The following CIITA variants were observed in gnomAD, a reference collection of about 807,000 sequenced individuals.
The protein encoded by CIITA is class II major histocompatibility complex transactivator, also known as MHC class II transactivator.
In CIITA, 72 loss-of-function variants were observed where a neutral mutation model predicts 115.1. The ratio of observed to expected loss-of-function variants is 0.63; its 90% confidence interval spans 0.52 to 0.76. The LOEUF (loss-of-function observed/expected upper bound fraction) is 0.76, where lower values mean the gene tolerates loss of function less well. Ranked by LOEUF, CIITA falls within the 30% of genes least tolerant of loss-of-function variation. The pLI is 0.00. For missense variants in CIITA, 1,617 were observed against 1,463.8 expected (o/e 1.10, Z -1.71); for synonymous variants, 763 against 635.6 (o/e 1.20, Z -3.02).
chr16:10,883,810 G>C (rs779103441), intron 1 of CIITA, among the ~76,000 whole-genome samples: 12 of 152,178 alleles, frequency 7.9e-5, no homozygotes, highest in Non-Finnish European at 1.2e-4. Flanking sequence ...CAGGAGTTGA[G>C]GTGCAATGCA....
chr16:10,908,656 T>G, intron 11 of CIITA: 1 of 471,236 alleles, frequency 2.1e-6, no homozygotes. Flanking sequence ...GAAGGCTAAA[T>G]TCCTTAATTT....
Position 10,929,537 on chromosome 16 carries a change from C to A in CIITA, c.*5682C>A. 3.0e-6 allele frequency: 3 copies of A among 985,464 alleles called. No individual in the cohort carries two copies. Among genetic ancestry groups the A allele is most frequent in the Non-Finnish European group, 3.6e-6 (3 of 829,968 alleles). 61.0% of individuals were successfully genotyped at this position (985,464 alleles called of 1,614,324 possible). A position where few individuals can be genotyped will look rare whatever the true frequency, so the allele number is the denominator to read the frequency against. On this transcript the variant is annotated 3_prime_UTR_variant, in exon 20 of 20. Coordinates refer to ENST00000324288, the MANE Select transcript of CIITA (RefSeq NM_000246.4). The surrounding 1 kb of genome is among the most constrained non-coding windows in gnomAD (Gnocchi z 4.3). ...TCAAACAGGAACCTCTCTGTTGGCA[C>A]GAAGCTTTTGAGGGGAGCAGGTCTA...
chr16:10,912,970 C>G (rs2039683397), intron 13 of CIITA, among the ~76,000 whole-genome samples: 1 of 152,262 alleles, frequency 6.6e-6, no homozygotes, highest in South Asian at 2.1e-4. Context: ...CTTAGCCACT[C>G]ACAACCCTAC....
chr16:10,911,446 T>C (rs2039574877), intron 13 of CIITA, among the ~76,000 whole-genome samples: 1 of 150,940 alleles, frequency 6.6e-6, no homozygotes, highest in Non-Finnish European at 1.5e-5. Context: ...TTCCTTCTTT[T>C]CTTTCTTTCC....
intron 1 of CIITA, among the ~76,000 whole-genome samples, chr16:10,890,143 C>CT (rs2037407564): frequency 1.3e-5 from 2 of 152,168 alleles, no homozygotes; most frequent in Admixed American, 1.3e-4. Context: ...TTGGGGGCTT[C>CT]TGGGAGGGGG....
At position 10,920,219 on chromosome 16, in the gene CIITA, A is replaced by T. The variant is rs75874959; in HGVS notation, c.3149+1693A>T. Among the ~76,000 whole-genome samples the T allele has an allele frequency of 1.4e-3, 209 of 152,280 alleles. 1 individual carries two copies. The highest frequency in any genetic ancestry group is 4.8e-3 in the African/African-American group (200 of 41,560). ...AAAAGTAGGTGGGCCTGGGAAGGCGACACTTGATCTGATTTACACTTTTCT... is the reference window on the plus strand; with the variant it reads ...AAAAGTAGGTGGGCCTGGGAAGGCGTCACTTGATCTGATTTACACTTTTCT... On this transcript the variant is annotated intron_variant, in intron 16 of 19. Coordinates refer to ENST00000324288, the MANE Select transcript of CIITA (RefSeq NM_000246.4). This position sits in a 1 kb window ranked among gnomAD's most constrained non-coding sequence, Gnocchi z 4.5.
chr16:10,925,104 G>C lies in CIITA; in HGVS notation c.*1249G>C, dbSNP rs763443624. The C allele has an allele frequency of 7.2e-5, 11 of 152,314 alleles. No homozygotes were observed. Among genetic ancestry groups the C allele is most frequent in the Non-Finnish European group, 1.5e-4 (10 of 68,128 alleles). The allele number at this position is 152,314 out of a possible 1,614,324, so 9.4% of individuals were successfully genotyped here. On this transcript the variant is annotated 3_prime_UTR_variant, in exon 20 of 20. Coordinates refer to ENST00000324288, the MANE Select transcript of CIITA (RefSeq NM_000246.4). ...GTGTCACCTGAAGACTCATTCTTCT[G>C]TACGTCTGACAGGCAATGCTGGCTG...
In CIITA at chr16:10,928,722, C is replaced by T. The variant is rs1415408400; in HGVS notation, c.*4867C>T. 6.6e-6 allele frequency: 1 copy of T among 152,350 alleles called. No homozygotes were observed. Among genetic ancestry groups the T allele is most frequent in the Non-Finnish European group, 1.5e-5 (1 of 68,138 alleles). The allele number at this position is 152,350 out of a possible 1,614,324, so 9.4% of individuals were successfully genotyped here. A position where few individuals can be genotyped will look rare whatever the true frequency, so the allele number is the denominator to read the frequency against. On this transcript the variant is annotated 3_prime_UTR_variant, in exon 20 of 20. Coordinates refer to ENST00000324288, the MANE Select transcript of CIITA (RefSeq NM_000246.4). ...TTCCCACCACACCCCAAATGCTGTC[C>T]CTGGCTTGTGGAGTGGGGCAGGGGG... is the stretch of plus-strand genomic sequence containing the variant.
At chr16:10,919,288 C>A (rs1223392370) in intron 16 of CIITA, among the ~76,000 whole-genome samples, 1 of 135,352 alleles carries the variant, frequency 7.4e-6, no homozygotes. Context: ...CTGCCCCCCC[C>A]CAGGTTCAAG....
Position 10,901,425 on chromosome 16 carries a change from TA to T in CIITA, c.437-87del. ...CAAGACCACTACCCAGCCTTGAAGT[TA>T]AGGCCGTATAGCCTGCTAGAGTCCT... is the stretch of plus-strand genomic sequence containing the variant. On this transcript the variant is annotated intron_variant, in intron 5 of 19. Transcript: ENST00000324288. The surrounding 1 kb of genome is among the most constrained non-coding windows in gnomAD (Gnocchi z 6.8). 7.1e-7 allele frequency: 1 copy of T among 1,417,124 alleles called. No homozygotes were observed. 87.8% of individuals were successfully genotyped at this position (1,417,124 alleles called of 1,614,324 possible).
At chr16:10,868,668 C>A (rs558521528) in intron 1 of CIITA, among the ~76,000 whole-genome samples, 1 of 152,326 alleles carries the variant, frequency 6.6e-6, no homozygotes, top group East Asian at 1.9e-4. Flanking sequence ...CTCTCCCTGG[C>A]TGCAGCCCCT....
chr16:10,917,957 T>C (rs992482414), intron 15 of CIITA, among the ~76,000 whole-genome samples: 1 of 152,178 alleles, frequency 6.6e-6, no homozygotes, highest in Admixed American at 6.5e-5. Context: ...GTAAGCTAGA[T>C]TTCTTCTCCT....
intron 1 of CIITA, among the ~76,000 whole-genome samples, chr16:10,894,566 A>T (rs892730780): frequency 2.6e-5 from 4 of 152,244 alleles, no homozygotes; most frequent in Non-Finnish European, 5.9e-5. Flanking sequence ...AGGATATTTG[A>T]GGTATCCACA....
chr16:10,913,666 G>A (rs942779371), intron 13 of CIITA, among the ~76,000 whole-genome samples: 32 of 151,614 alleles, frequency 2.1e-4, no homozygotes, highest in African/African-American at 6.5e-4. Context: ...CTGGCCAGGC[G>A]CAGTGGCTTA....
At chr16:10,888,725 C>T (rs1221369794) in intron 1 of CIITA, 1 of 152,260 alleles carries the variant, frequency 6.6e-6, no homozygotes, top group Non-Finnish European at 1.5e-5. Context: ...AAATACTGCC[C>T]ATTTACCAAA....
chr16:10,915,546 T>C (rs540510505), intron 13 of CIITA, 24 bp from the exon 14 acceptor site: 2 of 1,596,402 alleles, frequency 1.3e-6, no homozygotes, highest in East Asian at 4.5e-5. Context: ...ACTGGAGGTC[T>C]TACCCTTGCT....
In CIITA at chr16:10,934,535, T is replaced by A. The variant is rs2040943007; in HGVS notation, c.*10680T>A. ...GGACGCCTCCAGCAGACCACCTCACTGGGGGAAACATCAGGACAGCGTGGC... is the reference window on the plus strand; with the variant it reads ...GGACGCCTCCAGCAGACCACCTCACAGGGGGAAACATCAGGACAGCGTGGC... On this transcript the variant is annotated 3_prime_UTR_variant, in exon 20 of 20. Coordinates refer to ENST00000324288, the MANE Select transcript of CIITA (RefSeq NM_000246.4). This position sits in a 1 kb window ranked among gnomAD's most constrained non-coding sequence, Gnocchi z 4.2. 1 of 152,192 alleles carries A rather than the reference T, an allele frequency of 6.6e-6. No homozygotes were observed. The highest frequency in any genetic ancestry group is 6.5e-5 in the Admixed American group (1 of 15,268). The allele number at this position is 152,192 out of a possible 1,614,324, so 9.4% of individuals were successfully genotyped here. A position where few individuals can be genotyped will look rare whatever the true frequency, so the allele number is the denominator to read the frequency against.
rs772672849 is a variant in CIITA at position 10,918,550 on chromosome 16, T to G, written c.3149+24T>G. 4 of 1,607,332 alleles carry G rather than the reference T, an allele frequency of 2.5e-6. No individual in the cohort carries two copies. In the East Asian group the frequency reaches 8.9e-5, roughly 36 times the overall value. On this transcript the variant is annotated intron_variant, in intron 16 of 19. Transcript: ENST00000324288. ...AGGTGAGTGGGGCCCCGGATACCGG[T>G]CAGGTGCTGAGCTGGGGGGCTGCAG...
intron 12 of CIITA, 45 bp downstream of exon 12, chr16:10,909,232 G>A (rs2039391123): frequency 6.2e-7 from 1 of 1,603,040 alleles, no homozygotes; most frequent in Admixed American, 1.7e-5. Context: ...CATGCAGGTT[G>A]AGGACATGTA....
Sources: allele counts gnomAD v4.1 joint callset (sites outside exome capture counted in the v4.1 genomes callset), GRCh38; gene constraint gnomAD v4.1.1; non-coding constraint Gnocchi (gnomAD v3.1); transcripts MANE v1.5; gene names NCBI Gene and HGNC (gene_info 2026-07-23, HGNC 2026-07-21).